Variants in UBE2E1 observed in about 807,000 individuals in gnomAD.
UBE2E1 encodes the protein ubiquitin-conjugating enzyme E2 E1.
In UBE2E1, 6 loss-of-function variants were observed where a neutral mutation model predicts 21.4. The ratio of observed to expected loss-of-function variants is 0.28; its 90% CI spans 0.15 to 0.55. The LOEUF (loss-of-function observed/expected upper bound fraction) is 0.55. Among genes scored for constraint, UBE2E1 ranks in the 20% least tolerant of loss-of-function variants. The pLI, the probability that UBE2E1 is intolerant of heterozygous loss-of-function variation, is 0.93. For synonymous variants in UBE2E1, 87 were observed against 82.7 expected, an observed-to-expected ratio of 1.05 and a Z score of -0.28; for missense variants, 142 against 236.5, an observed-to-expected ratio of 0.60 and a Z score of 2.62.
At chr3:23,888,618 G>C (rs189406883) in intron 4 of UBE2E1, among the ~76,000 whole-genome samples, 1 of 152,062 alleles carries the variant, frequency 6.6e-6, no homozygotes, top group African/African-American at 2.4e-5. Flanking sequence ...CTGATGTAAC[G>C]GTCAGAAAAA....
intron 3 of UBE2E1, among the ~76,000 whole-genome samples, chr3:23,845,925 T>A (rs921607713): frequency 6.6e-5 from 10 of 152,220 alleles, no homozygotes; most frequent in Admixed American, 3.3e-4. Context: ...TAGATTTTTT[T>A]AATCACTTAA....
chr3:23,831,085 T>C (rs568679251), intron 3 of UBE2E1, among the ~76,000 whole-genome samples: 2 of 152,212 alleles, frequency 1.3e-5, no homozygotes, highest in Non-Finnish European at 2.9e-5. Flanking sequence ...TGATACCACT[T>C]TTGTTATTAG....
chr3:23,877,839 GA>G (rs1017092325), intron 3 of UBE2E1, among the ~76,000 whole-genome samples: 138 of 152,100 alleles, frequency 9.1e-4, no homozygotes, highest in African/African-American at 3.3e-3. Flanking sequence ...TTATTTTTAC[GA>G]AACATTAGTC....
intron 3 of UBE2E1, among the ~76,000 whole-genome samples, chr3:23,839,962 C>G (rs980809017): frequency 1.3e-5 from 2 of 151,962 alleles, no homozygotes; most frequent in African/African-American, 2.4e-5. Flanking sequence ...AGTTTCTTGG[C>G]TCTATGAGCT....
At chr3:23,845,498 A>T (rs994639526) in intron 3 of UBE2E1, among the ~76,000 whole-genome samples, 2 of 151,660 alleles carry the variant, frequency 1.3e-5, no homozygotes, top group Non-Finnish European at 2.9e-5. Context: ...CTGTATCAGA[A>T]TTACTTGAGG....
intron 3 of UBE2E1, among the ~76,000 whole-genome samples, chr3:23,852,721 A>G (rs1290060953): frequency 6.6e-6 from 1 of 152,158 alleles, no homozygotes; most frequent in Non-Finnish European, 1.5e-5. Context: ...CAGCCTCCCC[A>G]GTAGCTGGGA....
rs1390441488 is a variant in UBE2E1, at chr3:23,823,322, A to G, written c.203+11812A>G. ...CCTGCTTACCTTGATAATTGAGGGT[A>G]GAATTAAGAAAGTTTTAGGATTAGG... On this transcript the variant is annotated intron_variant, in intron 3 of 5. Transcript: ENST00000306627. The surrounding 1 kb of genome is among the most constrained non-coding windows in gnomAD (Gnocchi z 4.2). 6.6e-6 allele frequency among the ~76,000 whole-genome samples: 1 copy of G among 152,264 alleles called. No homozygotes were observed. Among genetic ancestry groups the G allele is most frequent in the Non-Finnish European group, 1.5e-5 (1 of 68,046 alleles).
chr3:23,865,423 G>A (rs532817149), intron 3 of UBE2E1, among the ~76,000 whole-genome samples: 2 of 152,064 alleles, frequency 1.3e-5, no homozygotes, highest in South Asian at 2.1e-4. Flanking sequence ...GTGCAATCTC[G>A]GCTCACTGCA....
chr3:23,818,098 G>A (rs889271016), intron 3 of UBE2E1, among the ~76,000 whole-genome samples: 3 of 152,176 alleles, frequency 2.0e-5, no homozygotes, highest in African/African-American at 7.2e-5. Flanking sequence ...AGAATCCATA[G>A]AACTTAGCCA....
chr3:23,888,543 T>A (rs1559496799), intron 4 of UBE2E1, among the ~76,000 whole-genome samples: 1 of 152,216 alleles, frequency 6.6e-6, no homozygotes. Context: ...TGGCTCTGCA[T>A]CCATGGACAC....
intron 3 of UBE2E1, among the ~76,000 whole-genome samples, chr3:23,861,624 G>A (rs568421973): frequency 7.2e-5 from 11 of 152,328 alleles, no homozygotes; most frequent in East Asian, 3.9e-4. Flanking sequence ...GCTGGATGCC[G>A]AGAGAAACAC....
chr3:23,819,423 G>A (rs1699597892), intron 3 of UBE2E1, among the ~76,000 whole-genome samples: 1 of 152,186 alleles, frequency 6.6e-6, no homozygotes, highest in Non-Finnish European at 1.5e-5. Flanking sequence ...CTGGTAGCCT[G>A]GAATTTTCTA....
At chr3:23,807,212 C>G in intron 1 of UBE2E1, 25 bp from the exon 2 acceptor site, 1 of 1,555,164 alleles carries the variant, frequency 6.4e-7, no homozygotes, top group Non-Finnish European at 8.7e-7. Context: ...TTGTGTGTTT[C>G]TGTTTTGTTT....
intron 3 of UBE2E1, among the ~76,000 whole-genome samples, chr3:23,856,334 C>T (rs1031760809): frequency 1.3e-5 from 2 of 152,294 alleles, no homozygotes; most frequent in Non-Finnish European, 2.9e-5. Context: ...TTTCTTATAT[C>T]ATACTGTTAA....
Position 23,842,198 on chromosome 3 carries a change from GGTGTGTGTGTGTGTGT to G in UBE2E1, c.203+30724_203+30739del, listed in dbSNP as rs55941535. 5.8e-5 allele frequency among the ~76,000 whole-genome samples: 6 copies of G among 104,280 alleles called. No individual in the cohort carries two copies. Among genetic ancestry groups the G allele is most frequent in the African/African-American group, 1.4e-4 (4 of 27,622 alleles). The allele number at this position is 104,280 out of a possible 152,430, so 68.4% of individuals were successfully genotyped here. On this transcript the variant is annotated intron_variant, in intron 3 of 5. Transcript: ENST00000306627. This position sits in a 1 kb window ranked among gnomAD's most constrained non-coding sequence, Gnocchi z 4.6. ...TATGTCATGACCCAGTAAGTGAAGG[GGTGTGTGTGTGTGTGT>G]GTGTGTGTGTGTGTGTGTGTGTGTG...
At chr3:23,857,697 C>G (rs139415470) in intron 3 of UBE2E1, among the ~76,000 whole-genome samples, 1 of 152,168 alleles carries the variant, frequency 6.6e-6, no homozygotes, top group African/African-American at 2.4e-5. Flanking sequence ...TGGAAGCTGT[C>G]TGTGGGCAAC....
intron 3 of UBE2E1, among the ~76,000 whole-genome samples, chr3:23,813,862 A>G (rs1699454978): frequency 6.6e-6 from 1 of 152,214 alleles, no homozygotes; most frequent in Non-Finnish European, 1.5e-5. Flanking sequence ...TTTTGAAGTC[A>G]GCGTCCAATG....
chr3:23,858,705 A>G (rs1405630611), intron 3 of UBE2E1, among the ~76,000 whole-genome samples: 1 of 152,206 alleles, frequency 6.6e-6, no homozygotes, highest in African/African-American at 2.4e-5. Context: ...TCTTATTCTT[A>G]CCACTCGTGT....
chr3:23,875,258 A>T (rs953719167), intron 3 of UBE2E1, among the ~76,000 whole-genome samples: 43 of 152,334 alleles, frequency 2.8e-4, no homozygotes, highest in African/African-American at 1.0e-3. Flanking sequence ...TTTACCTAAT[A>T]TGGAAACACT....
Sources: allele counts gnomAD v4.1 joint callset (sites outside exome capture counted in the v4.1 genomes callset), GRCh38; gene constraint gnomAD v4.1.1; non-coding constraint Gnocchi (gnomAD v3.1); transcripts MANE v1.5; gene names NCBI Gene and HGNC (gene_info 2026-07-23, HGNC 2026-07-21).